The following KLHL29 variants were observed in gnomAD, a reference collection of about 807,000 sequenced individuals.
KLHL29 encodes the protein kelch-like protein 29.
A neutral mutation model predicts 80.4 loss-of-function variants in KLHL29; 21 were observed. That is an observed-to-expected ratio of 0.26 (90% CI 0.19 to 0.38). The LOEUF is 0.38. KLHL29 is among the 10% of genes least tolerant of loss of function. The pLI is 1.00. For missense variants in KLHL29, 867 were observed against 1,223.9 expected (o/e 0.71, Z 4.35); for synonymous variants, 511 against 526.8 (o/e 0.97, Z 0.41).
At chr2:23,593,731 C>T (rs1051279214) in intron 3 of KLHL29, among the ~76,000 whole-genome samples, 3 of 152,186 alleles carry the variant, frequency 2.0e-5, no homozygotes, top group African/African-American at 7.2e-5. Flanking sequence ...GTCTTCACCT[C>T]GGAAAGCCCT....
Position 23,538,177 on chromosome 2 carries a change from C to T in KLHL29, c.-45-23975C>T, listed in dbSNP as rs185763281. On this transcript the variant is annotated intron_variant, in intron 2 of 13. Coordinates refer to ENST00000486442, the MANE Select transcript of KLHL29 (RefSeq NM_052920.2). ...GATGGATCTCGGGTTTCTCTTGACT[C>T]GTAGTCCAGGATTCCTTTGGCCACA... Among the ~76,000 whole-genome samples the T allele has an allele frequency of 3.3e-5, 5 of 152,238 alleles. No individual in the cohort carries two copies. The East Asian group carries it at 5.8e-4, about 18-fold the overall frequency.
At chr2:23,558,203 A>G (rs1667348038) in intron 2 of KLHL29, among the ~76,000 whole-genome samples, 1 of 148,756 alleles carries the variant, frequency 6.7e-6, no homozygotes, top group South Asian at 2.2e-4. Context: ...TGAATACATA[A>G]CATCCTCTCT....
At chr2:23,665,831 G>A (rs921440650) in intron 5 of KLHL29, among the ~76,000 whole-genome samples, 2 of 152,102 alleles carry the variant, frequency 1.3e-5, no homozygotes, top group African/African-American at 2.4e-5. Context: ...ATTCACCAGG[G>A]GTCCGCACCC....
intron 2 of KLHL29, chr2:23,507,167 G>A: frequency 2.5e-6 from 1 of 405,080 alleles, no homozygotes; most frequent in Non-Finnish European, 5.5e-6. Flanking sequence ...TCACTCCCGT[G>A]CATGCCATCA....
intron 4 of KLHL29, 47 bp downstream of exon 4, chr2:23,639,327 C>T (rs750542193): frequency 1.5e-5 from 23 of 1,525,472 alleles, no homozygotes; most frequent in Middle Eastern, 1.7e-4. Context: ...CAGGGCTTGG[C>T]GGGAAGCTAG....
At chr2:23,558,653 C>T (rs1038786592) in intron 2 of KLHL29, among the ~76,000 whole-genome samples, 2 of 152,186 alleles carry the variant, frequency 1.3e-5, no homozygotes, top group African/African-American at 4.8e-5. Context: ...ATCCTCCCAC[C>T]TTGGCCTCCC....
intron 1 of KLHL29, among the ~76,000 whole-genome samples, chr2:23,398,048 G>A (rs921125860): frequency 3.3e-5 from 5 of 152,180 alleles, no homozygotes; most frequent in Non-Finnish European, 7.3e-5. Flanking sequence ...AAACATTATG[G>A]CCATTCTTCA....
At chr2:23,425,871 C>G (rs559658316) in intron 1 of KLHL29, among the ~76,000 whole-genome samples, 20 of 152,198 alleles carry the variant, frequency 1.3e-4, no homozygotes, top group Admixed American at 9.8e-4. Context: ...GGGTCTCTTT[C>G]TTCATAGGGC....
intron 5 of KLHL29, among the ~76,000 whole-genome samples, chr2:23,649,780 G>C (rs1404247757): frequency 6.6e-6 from 1 of 152,224 alleles, no homozygotes; most frequent in Admixed American, 6.5e-5. Flanking sequence ...CTTCCTGGGG[G>C]CTTCAGGTGA....
chr2:23,420,271 G>A (rs377594321), intron 1 of KLHL29, among the ~76,000 whole-genome samples: 2 of 152,124 alleles, frequency 1.3e-5, no homozygotes, highest in Non-Finnish European at 2.9e-5. Flanking sequence ...GCCGTCCCTC[G>A]AAGCCCTGTT....
intron 3 of KLHL29, among the ~76,000 whole-genome samples, chr2:23,610,051 G>T (rs539915913): frequency 2.0e-4 from 31 of 152,140 alleles, no homozygotes; most frequent in Non-Finnish European, 1.2e-4. Flanking sequence ...AGTCCCTCAG[G>T]GATCACATGG....
chr2:23,690,211 T>C (rs1334116788), intron 6 of KLHL29: 2 of 152,246 alleles, frequency 1.3e-5, no homozygotes, highest in Non-Finnish European at 2.9e-5. Flanking sequence ...TACTGCCACG[T>C]AGGGAAGAGT....
At chr2:23,392,031 A>T (rs1254869399) in intron 1 of KLHL29, among the ~76,000 whole-genome samples, 1 of 152,154 alleles carries the variant, frequency 6.6e-6, no homozygotes, top group Non-Finnish European at 1.5e-5. Flanking sequence ...AAGATCCTTA[A>T]TCTCACCCAG....
intron 5 of KLHL29, among the ~76,000 whole-genome samples, chr2:23,654,487 G>A (rs927801031): frequency 3.3e-5 from 5 of 152,140 alleles, no homozygotes; most frequent in African/African-American, 1.2e-4. Flanking sequence ...CTTTTATATG[G>A]AGATATTCAT....
intron 2 of KLHL29, among the ~76,000 whole-genome samples, chr2:23,547,265 T>G (rs1667001745): frequency 6.6e-6 from 1 of 152,156 alleles, no homozygotes; most frequent in African/African-American, 2.4e-5. Context: ...GATGCTGCCA[T>G]TCTCATTACC....
At position 23,532,971 on chromosome 2, in the gene KLHL29, G is replaced by A. The variant is rs577645401; in HGVS notation, c.-45-29181G>A. ...GAGAAAGCCTGGGGGCCGAGGGGAG[G>A]GTTCCCTCTACGTCTCTGCAACTCA... On this transcript the variant is annotated intron_variant, in intron 2 of 13. Coordinates refer to ENST00000486442, the MANE Select transcript of KLHL29 (RefSeq NM_052920.2). Among the ~76,000 whole-genome samples the A allele has an allele frequency of 6.6e-5, 10 of 152,262 alleles. No individual in the cohort carries two copies. In the East Asian group the frequency reaches 1.4e-3, roughly 21 times the overall value.
At chr2:23,690,157 G>GTGCC (rs1671492361) in intron 6 of KLHL29, 1 of 152,256 alleles carries the variant, frequency 6.6e-6, no homozygotes, top group African/African-American at 2.4e-5. Context: ...TGGGAGGGCG[G>GTGCC]TGCCTGACCT....
chr2:23,642,308 C>T, intron 4 of KLHL29, 30 bp from the exon 5 acceptor site: 1 of 1,394,522 alleles, frequency 7.2e-7, no homozygotes, highest in Non-Finnish European at 9.4e-7. Flanking sequence ...ATGTAACCGG[C>T]AGATGACGTT....
At chr2:23,430,654 C>T (rs1335160272) in intron 1 of KLHL29, among the ~76,000 whole-genome samples, 1 of 152,212 alleles carries the variant, frequency 6.6e-6, no homozygotes, top group Non-Finnish European at 1.5e-5. Context: ...GTTCAGCTTT[C>T]ACATTCCCCA....
Sources: gnomAD v4.1 joint callset for allele counts (sites outside exome capture counted in the v4.1 genomes callset) on GRCh38, gnomAD v4.1.1 for gene constraint, MANE v1.5 for transcripts, NCBI Gene and HGNC (gene_info 2026-07-23, HGNC 2026-07-21) for gene names.